Variants in RNF13 observed in about 807,000 individuals in gnomAD.
RNF13 encodes the protein ring finger protein 13.
Under a neutral mutation model 37.7 loss-of-function variants are expected in RNF13, and 19 were observed. The observed-to-expected ratio is 0.50, with a 90% CI of 0.35 to 0.74. The LOEUF is 0.74. RNF13 is among the 30% of genes least tolerant of loss of function. RNF13 has a pLI of 0.01. For missense variants in RNF13, 375 were observed against 453.0 expected, an observed-to-expected ratio of 0.83 and a Z score of 1.56; for synonymous variants, 144 against 157.8, an observed-to-expected ratio of 0.91 and a Z score of 0.65.
chr3:149,860,655 A>G (rs1436284344), intron 3 of RNF13, among the ~76,000 whole-genome samples: 1 of 152,168 alleles, frequency 6.6e-6, no homozygotes. Context: ...CCCAAACTAT[A>G]AAACTATTGG....
At chr3:149,833,118 C>CTTTTT (rs34729566) in intron 1 of RNF13, among the ~76,000 whole-genome samples, 19 of 111,874 alleles carry the variant, frequency 1.7e-4, no homozygotes, top group South Asian at 3.0e-4. Context: ...CTCTCTCTCT[C>CTTTTT]TTTTTTTTTT....
At chr3:149,871,266 T>A (rs1712025539) in intron 3 of RNF13, among the ~76,000 whole-genome samples, 2 of 151,708 alleles carry the variant, frequency 1.3e-5, no homozygotes, top group African/African-American at 4.9e-5. Context: ...GGTCTTGAAC[T>A]CCTGACTTCA....
chr3:149,953,707 G>A (rs1721575034), intron 8 of RNF13, among the ~76,000 whole-genome samples: 1 of 152,116 alleles, frequency 6.6e-6, no homozygotes, highest in African/African-American at 2.4e-5. Context: ...GACCTGGGCT[G>A]GAATTCTGGA....
chr3:149,947,680 G>A (rs1335161798), intron 8 of RNF13, among the ~76,000 whole-genome samples: 2 of 152,086 alleles, frequency 1.3e-5, no homozygotes, highest in East Asian at 3.9e-4. Flanking sequence ...AATTACAGGC[G>A]TGAGCCACCG....
chr3:149,831,194 C>T (rs1721002121), intron 1 of RNF13, among the ~76,000 whole-genome samples: 1 of 152,204 alleles, frequency 6.6e-6, no homozygotes, highest in Admixed American at 6.5e-5. Context: ...CTGGGGACTG[C>T]CTAGTGGAGC....
At chr3:149,952,200 G>A (rs1433907343) in intron 8 of RNF13, among the ~76,000 whole-genome samples, 1 of 152,022 alleles carries the variant, frequency 6.6e-6, no homozygotes, top group Non-Finnish European at 1.5e-5. Context: ...AACCTGGCAT[G>A]CCCTTTGTTC....
intron 3 of RNF13, among the ~76,000 whole-genome samples, chr3:149,854,882 C>T (rs1444720400): frequency 6.6e-6 from 1 of 152,134 alleles, no homozygotes; most frequent in African/African-American, 2.4e-5. Context: ...GGTGAAATAC[C>T]TAGCTATGAG....
intron 6 of RNF13, 96 bp downstream of exon 6, chr3:149,902,258 G>A (rs1317556120): frequency 6.9e-6 from 4 of 582,226 alleles, no homozygotes; most frequent in Non-Finnish European, 1.2e-5. Context: ...GTTTCAGAAT[G>A]AACTCTGTAG....
intron 1 of RNF13, among the ~76,000 whole-genome samples, chr3:149,828,935 A>C (rs1317503810): frequency 6.6e-6 from 1 of 152,200 alleles, no homozygotes; most frequent in Non-Finnish European, 1.5e-5. Context: ...ATACTGAACT[A>C]AAAATGTATT....
intron 4 of RNF13, among the ~76,000 whole-genome samples, chr3:149,886,130 T>A (rs948350488): frequency 1.3e-5 from 2 of 152,228 alleles, no homozygotes; most frequent in Non-Finnish European, 2.9e-5. Flanking sequence ...TTGGTTACTA[T>A]AGCTGTGTAG....
chr3:149,859,692 C>A (rs1272659252), intron 3 of RNF13, among the ~76,000 whole-genome samples: 84 of 152,004 alleles, frequency 5.5e-4, no homozygotes, highest in Non-Finnish European at 8.8e-5. Context: ...ATATTTTTCT[C>A]ATTAGAAGAG....
intron 3 of RNF13, among the ~76,000 whole-genome samples, chr3:149,864,830 G>C (rs991371861): frequency 6.6e-5 from 10 of 152,068 alleles, no homozygotes; most frequent in African/African-American, 1.9e-4. Flanking sequence ...CTCCATATCA[G>C]CTCAAATAAA....
intron 3 of RNF13, among the ~76,000 whole-genome samples, chr3:149,860,256 T>TA (rs764889596): frequency 0.041 from 2,360 of 57,654 alleles, 89 homozygotes; most frequent in African/African-American, 0.065. Flanking sequence ...AGACTCCATC[T>TA]AAAAAAAAAA....
chr3:149,905,263 CT>C (rs1274194701), intron 6 of RNF13, among the ~76,000 whole-genome samples: 5 of 152,080 alleles, frequency 3.3e-5, no homozygotes, highest in African/African-American at 1.2e-4. Context: ...GTCAGATTTG[CT>C]TATTTTTACT....
chr3:149,844,121 T>C (rs568653862), intron 1 of RNF13, among the ~76,000 whole-genome samples: 2 of 152,364 alleles, frequency 1.3e-5, no homozygotes, highest in South Asian at 4.1e-4. Flanking sequence ...TAATAACAAC[T>C]ATACCTTATT....
At chr3:149,860,399 A>G (rs1365026152) in intron 3 of RNF13, among the ~76,000 whole-genome samples, 1 of 151,518 alleles carries the variant, frequency 6.6e-6, no homozygotes, top group East Asian at 1.9e-4. Context: ...CCAAAACAGT[A>G]TGGTACTGAT....
intron 3 of RNF13, among the ~76,000 whole-genome samples, chr3:149,867,019 G>A (rs1276585915): frequency 1.3e-5 from 2 of 152,098 alleles, no homozygotes; most frequent in African/African-American, 4.8e-5. Flanking sequence ...GAGATGTTCT[G>A]TAAATGTCAG....
intron 8 of RNF13, among the ~76,000 whole-genome samples, chr3:149,928,179 A>C (rs544721273): frequency 6.6e-6 from 1 of 152,140 alleles, no homozygotes; most frequent in South Asian, 2.1e-4. Context: ...TTTTTTGCAG[A>C]AATGAAAAAT....
Position 149,921,240 on chromosome 3 carries a change from T to C in RNF13, c.700+13T>C, listed in dbSNP as rs772395720. ...AAATTCAAGAAAGGTAAGTATTTGT[T>C]TTCTAAATAATTATCCTTAGTTTAT... On this transcript the variant is annotated intron_variant, in intron 8 of 9. Coordinates refer to ENST00000392894, the MANE Select transcript of RNF13 (RefSeq NM_183381.3). The C allele has an allele frequency of 6.5e-6, 8 of 1,240,222 alleles. No homozygotes were observed. The highest frequency in any genetic ancestry group is 8.7e-6 in the Non-Finnish European group (8 of 920,408). The allele number at this position is 1,240,222 out of a possible 1,614,324, so 76.8% of individuals were successfully genotyped here.
Sources: allele counts gnomAD v4.1 joint callset (sites outside exome capture counted in the v4.1 genomes callset), GRCh38; gene constraint gnomAD v4.1.1; transcripts MANE v1.5; gene names NCBI Gene and HGNC (gene_info 2026-07-23, HGNC 2026-07-21).